Variants in ZNF804A observed in about 807,000 individuals in gnomAD.
The protein encoded by ZNF804A is zinc finger protein 804A.
In ZNF804A, 2 loss-of-function variants were observed where a neutral mutation model predicts 16.5. The ratio of observed to expected loss-of-function variants is 0.12; its 90% confidence interval spans 0.05 to 0.38. The LOEUF (loss-of-function observed/expected upper bound fraction) is 0.38, where lower values mean the gene tolerates loss of function less well. ZNF804A is among the 10% of genes least tolerant of loss of function. The pLI is 0.99. For missense variants in ZNF804A, 1,473 were observed against 1,390.7 expected, an observed-to-expected ratio of 1.06 and a Z score of -0.94; for synonymous variants, 534 against 489.6, an observed-to-expected ratio of 1.09 and a Z score of -1.20.
chr2:184,904,804 A>G (rs957842215), intron 2 of ZNF804A, among the ~76,000 whole-genome samples: 1 of 152,078 alleles, frequency 6.6e-6, no homozygotes, highest in Non-Finnish European at 1.5e-5. Flanking sequence ...TATGAAATAT[A>G]CTATTATCCA....
Position 184,839,417 on chromosome 2 carries a change from A to AT in ZNF804A, c.112-26947dup, listed in dbSNP as rs201333138. ...CCTGTGCAAAGTTATACATTCTCAGATTTTTAAAATAGTGTTATTAATTTA... is the reference window on the plus strand; with the variant it reads ...CCTGTGCAAAGTTATACATTCTCAGATTTTTTAAAATAGTGTTATTAATTTA... On this transcript the variant is annotated intron_variant, in intron 1 of 3. Transcript: ENST00000302277. 6.5e-3 allele frequency among the ~76,000 whole-genome samples: 991 copies of AT among 152,194 alleles called. 15 individuals carry two copies. Among genetic ancestry groups the AT allele is most frequent in the African/African-American group, 0.022 (921 of 41,556 alleles).
At chr2:184,669,257 A>G (rs946537484) in intron 1 of ZNF804A, among the ~76,000 whole-genome samples, 1 of 152,094 alleles carries the variant, frequency 6.6e-6, no homozygotes, top group African/African-American at 2.4e-5. Context: ...ACAGCCCATG[A>G]AATGTTGAGT....
chr2:184,611,721 A>G (rs1028114829), intron 1 of ZNF804A, among the ~76,000 whole-genome samples: 2 of 152,200 alleles, frequency 1.3e-5, no homozygotes, highest in Admixed American at 6.5e-5. Flanking sequence ...AATCAACCAT[A>G]GATTAATAAC....
chr2:184,717,616 A>C (rs778790594), intron 1 of ZNF804A, among the ~76,000 whole-genome samples: 4 of 152,220 alleles, frequency 2.6e-5, no homozygotes, highest in Non-Finnish European at 4.4e-5. Flanking sequence ...ATTGCATTAC[A>C]TGTAAGTTGG....
intron 1 of ZNF804A, among the ~76,000 whole-genome samples, chr2:184,641,448 G>T (rs779685253): frequency 4.6e-5 from 7 of 152,110 alleles, no homozygotes; most frequent in Non-Finnish European, 8.8e-5. Flanking sequence ...GAGCTTTGTG[G>T]AGTAATGGAA....
chr2:184,911,727 T>A (rs749441876), intron 2 of ZNF804A, among the ~76,000 whole-genome samples: 2 of 151,934 alleles, frequency 1.3e-5, no homozygotes, highest in Non-Finnish European at 2.9e-5. Flanking sequence ...TTTGTGACTA[T>A]TGTAAATGGA....
intron 1 of ZNF804A, among the ~76,000 whole-genome samples, chr2:184,756,198 T>G (rs902383117): frequency 6.6e-6 from 1 of 151,906 alleles, no homozygotes; most frequent in South Asian, 2.1e-4. Flanking sequence ...TTTGAAGGTG[T>G]GTTCTCATTA....
At chr2:184,608,372 A>C (rs1691184597) in intron 1 of ZNF804A, among the ~76,000 whole-genome samples, 2 of 152,244 alleles carry the variant, frequency 1.3e-5, no homozygotes, top group African/African-American at 4.8e-5. Context: ...AAGAAAAGAC[A>C]ATTCCATATT....
intron 1 of ZNF804A, among the ~76,000 whole-genome samples, chr2:184,739,698 C>G (rs1381977487): frequency 6.6e-6 from 1 of 152,074 alleles, no homozygotes; most frequent in African/African-American, 2.4e-5. Flanking sequence ...GGCCTCATGA[C>G]TATTCTTTAT....
intron 1 of ZNF804A, among the ~76,000 whole-genome samples, chr2:184,782,578 G>C (rs562789921): frequency 1.3e-5 from 2 of 151,250 alleles, no homozygotes; most frequent in South Asian, 2.1e-4. Context: ...GACTTGAACT[G>C]GTTTCCCTTG....
chr2:184,855,199 G>A (rs1236407249), intron 1 of ZNF804A, among the ~76,000 whole-genome samples: 1 of 152,046 alleles, frequency 6.6e-6, no homozygotes, highest in Non-Finnish European at 1.5e-5. Flanking sequence ...GCTGGGATAT[G>A]CTAATGCAGT....
At chr2:184,646,027 G>A (rs1331217413) in intron 1 of ZNF804A, among the ~76,000 whole-genome samples, 1 of 152,134 alleles carries the variant, frequency 6.6e-6, no homozygotes, top group Non-Finnish European at 1.5e-5. Flanking sequence ...GATACTGTAA[G>A]GGAAACACAC....
chr2:184,767,687 A>C (rs1232369547), intron 1 of ZNF804A, among the ~76,000 whole-genome samples: 1 of 152,146 alleles, frequency 6.6e-6, no homozygotes. Context: ...AATATTATTA[A>C]CTATTGCTTT....
intron 1 of ZNF804A, among the ~76,000 whole-genome samples, chr2:184,748,952 T>G (rs1693836158): frequency 6.6e-6 from 1 of 151,588 alleles, no homozygotes; most frequent in South Asian, 2.1e-4. Context: ...TGTGTGTCTG[T>G]TTTTGTACTA....
chr2:184,609,698 C>T (rs1262712287), intron 1 of ZNF804A, among the ~76,000 whole-genome samples: 1 of 152,204 alleles, frequency 6.6e-6, no homozygotes, highest in Non-Finnish European at 1.5e-5. Flanking sequence ...TGTGTCTCTT[C>T]TTATGAGGGA....
chr2:184,844,174 A>AC (rs141470485), intron 1 of ZNF804A, among the ~76,000 whole-genome samples: 12,003 of 145,576 alleles, frequency 0.082, 598 homozygotes, highest in Middle Eastern at 0.13. Flanking sequence ...TCCTAATTAT[A>AC]CCCCCCCCCA....
At position 184,938,867 on chromosome 2, in the gene ZNF804A, T is replaced by C. The variant is rs1685847677; in HGVS notation, c.3471T>C (p.Pro1157=). 2 of 1,613,938 alleles carry C rather than the reference T, an allele frequency of 1.2e-6. No homozygotes were observed. Among genetic ancestry groups the C allele is most frequent in the Non-Finnish European group, 1.7e-6 (2 of 1,180,008 alleles). Residue 1157 remains proline, a synonymous_variant, in exon 4 of 4, where the codon CCT becomes CCC. Coordinates refer to ENST00000302277, the MANE Select transcript of ZNF804A (RefSeq NM_194250.2). ...GACCAGTAGGACCGAGGCTTTGTCC[T>C]GGGAACCAGCCAACTTTTGTTGCTC... ...SVGPVGPRLC[P]GNQPTFVAPP...
chr2:184,648,862 G>A (rs1042229593), intron 1 of ZNF804A, among the ~76,000 whole-genome samples: 1 of 152,122 alleles, frequency 6.6e-6, no homozygotes, highest in Non-Finnish European at 1.5e-5. Context: ...CCCAGTGTCA[G>A]CATTAGACAG....
intron 1 of ZNF804A, among the ~76,000 whole-genome samples, chr2:184,634,978 G>A (rs1461549225): frequency 1.3e-5 from 2 of 152,020 alleles, no homozygotes; most frequent in Non-Finnish European, 2.9e-5. Context: ...AAAAATAAAA[G>A]CTGTATAAAC....
Sources: gnomAD v4.1 joint callset for allele counts (sites outside exome capture counted in the v4.1 genomes callset) on GRCh38, gnomAD v4.1.1 for gene constraint, MANE v1.5 for transcripts, NCBI Gene and HGNC (gene_info 2026-07-23, HGNC 2026-07-21) for gene names.